DIMT1: variants seen among roughly 807,000 people sequenced by gnomAD.
The protein encoded by DIMT1 is dimethyladenosine transferase.
In DIMT1, 36 loss-of-function variants were observed where a neutral mutation model predicts 43.2. The observed-to-expected ratio is 0.83, with a 90% confidence interval of 0.64 to 1.10. The LOEUF is 1.10. Ranked by LOEUF, DIMT1 falls within the 50% of genes least tolerant of loss-of-function variation. The pLI, the probability that DIMT1 is intolerant of heterozygous loss-of-function variation, is 0.00. For synonymous variants in DIMT1, 126 were observed against 130.3 expected (o/e 0.97, Z 0.22); for missense variants, 341 against 385.3 (o/e 0.88, Z 0.96).
Position 62,403,684 on chromosome 5 carries a change from G to T in DIMT1, c.79+10C>A. 6.2e-7 allele frequency: 1 copy of T among 1,604,968 alleles called. No homozygotes were observed. Among genetic ancestry groups the T allele is most frequent in the Non-Finnish European group, 8.5e-7 (1 of 1,176,648 alleles). Reference sequence around the variant, plus strand: ...CCGACCGACCCCAGCTTCCTCGCGGGGATCCGCACCTCCAGCGCTCTTCAG... The same window carrying T: ...CCGACCGACCCCAGCTTCCTCGCGGTGATCCGCACCTCCAGCGCTCTTCAG... On this transcript the variant is annotated intron_variant, in intron 1 of 11. Transcript: ENST00000199320.
chr5:62,402,885 T>C (rs925356597), intron 2 of DIMT1, among the ~76,000 whole-genome samples: 2 of 152,244 alleles, frequency 1.3e-5, no homozygotes, highest in Admixed American at 1.3e-4. Flanking sequence ...ATACACCAAA[T>C]AATTTATATG....
chr5:62,398,162 T>C (rs562233779), intron 6 of DIMT1, among the ~76,000 whole-genome samples: 2 of 152,268 alleles, frequency 1.3e-5, no homozygotes, highest in South Asian at 4.1e-4. Context: ...CAAGTTTTTT[T>C]CATAATACAC....
intron 3 of DIMT1, among the ~76,000 whole-genome samples, chr5:62,399,254 G>A (rs1244078383): frequency 6.6e-6 from 1 of 152,192 alleles, no homozygotes; most frequent in Non-Finnish European, 1.5e-5. Flanking sequence ...ATCACCTGAG[G>A]TCAGGAGTTC....
At chr5:62,394,845 T>A (rs1426885068) in intron 6 of DIMT1, among the ~76,000 whole-genome samples, 2 of 152,122 alleles carry the variant, frequency 1.3e-5, no homozygotes, top group Non-Finnish European at 2.9e-5. Context: ...AATGACTGGA[T>A]GAGATGTTTC....
chr5:62,403,865 C>T lies in DIMT1; in HGVS notation c.-93G>A. The T allele has an allele frequency of 1.5e-6, 2 of 1,356,738 alleles. No homozygotes were observed. Among genetic ancestry groups the T allele is most frequent in the East Asian group, 2.5e-5 (1 of 40,174 alleles). 84.0% of individuals were successfully genotyped at this position (1,356,738 alleles called of 1,614,324 possible). On this transcript the variant is annotated 5_prime_UTR_variant, in exon 1 of 12. Coordinates refer to ENST00000199320, the MANE Select transcript of DIMT1 (RefSeq NM_014473.4). ...CCACCACGTGGGGATCGCCGCCACG[C>T]GCCGCCCGCACCACTCTGGCCCAAG...
At chr5:62,401,888 C>G in intron 3 of DIMT1, 148 bp downstream of exon 3, 1 of 766,472 alleles carries the variant, frequency 1.3e-6, no homozygotes, top group Non-Finnish European at 2.0e-6. Flanking sequence ...GCTGAAATAT[C>G]TCATATTTTC....
chr5:62,403,424 G>T, intron 1 of DIMT1, 78 bp from the exon 2 acceptor site: 1 of 1,384,076 alleles, frequency 7.2e-7, no homozygotes, highest in South Asian at 1.2e-5. Context: ...AAAGCTGCAT[G>T]GGTATGGGGA....
chr5:62,389,066 T>C lies in DIMT1; in HGVS notation c.900-14A>G. On this transcript the variant is annotated splice_polypyrimidine_tract_variant and intron_variant, in intron 11 of 11. Transcript: ENST00000199320. ...CCATGTAGCAATCTGAAAAAAGAAA[T>C]CAAAATGGAATGGTACTGAAAAGCT... 1 of 1,609,378 alleles carries C rather than the reference T, an allele frequency of 6.2e-7. No homozygotes were observed. The highest frequency in any genetic ancestry group is 8.5e-7 in the Non-Finnish European group (1 of 1,177,362).
rs1268163312 is a variant in DIMT1 at position 62,390,920 on chromosome 5, A to C, written c.855T>G (p.Phe285Leu). ...CCATGGAACGGGCCCGTTTGTCACT[A>C]AAACCTGTGCTGGTTAGGATTTGCT... is the stretch of plus-strand genomic sequence containing the variant. ...KIQQILTSTG[F>L]SDKRARSMDI... Residue 285 changes from phenylalanine to leucine, a missense_variant, in exon 11 of 12, where the codon TTT (phenylalanine) becomes TTG (leucine). By Grantham distance (22) the Phe-to-Leu change is conservative. Coordinates refer to ENST00000199320, the MANE Select transcript of DIMT1 (RefSeq NM_014473.4). 1.9e-6 allele frequency: 3 copies of C among 1,612,336 alleles called. No individual in the cohort carries two copies. In the Admixed American group the frequency reaches 5.0e-5, roughly 27 times the overall value.
intron 9 of DIMT1, among the ~76,000 whole-genome samples, chr5:62,392,653 T>C (rs1429528739): frequency 2.0e-5 from 3 of 152,204 alleles, no homozygotes; most frequent in African/African-American, 7.2e-5. Flanking sequence ...TCACCTCATT[T>C]TTCCAACAAA....
rs1052706660 is a variant in DIMT1 at position 62,393,925 on chromosome 5, T to C, written c.663+30A>G. On this transcript the variant is annotated intron_variant, in intron 8 of 11. Coordinates refer to ENST00000199320, the MANE Select transcript of DIMT1 (RefSeq NM_014473.4). ...CTTCCCGCCTGGACTTTTTTTTCCT[T>C]TATTGAATGAGCTAGTATTTTAACC... 3.8e-6 allele frequency: 6 copies of C among 1,579,316 alleles called. No individual in the cohort carries two copies. The African/African-American group carries it at 6.9e-5, about 18-fold the overall frequency.
intron 2 of DIMT1, 93 bp from the exon 3 acceptor site, chr5:62,402,215 A>T: frequency 8.1e-7 from 1 of 1,238,514 alleles, no homozygotes; most frequent in African/African-American, 1.5e-5. Context: ...ATGTGCTCCG[A>T]TAAGAGCTCT....
In DIMT1 at chr5:62,388,739, T is replaced by C; in HGVS notation, c.*271A>G. The C allele has an allele frequency of 4.6e-6, 2 of 435,268 alleles. No individual in the cohort carries two copies. Among genetic ancestry groups the C allele is most frequent in the Non-Finnish European group, 4.1e-6 (1 of 242,778 alleles). 27.0% of individuals were successfully genotyped at this position (435,268 alleles called of 1,614,324 possible). On this transcript the variant is annotated 3_prime_UTR_variant, in exon 12 of 12. Transcript: ENST00000199320. ...TCTTTATACAATAAACTGTTAGAAA[T>C]GATAAGTGTAAAGTTGTGCGTCTCT...
At chr5:62,395,045 A>G (rs1742433896) in intron 6 of DIMT1, among the ~76,000 whole-genome samples, 1 of 144,144 alleles carries the variant, frequency 6.9e-6, no homozygotes, top group Non-Finnish European at 1.5e-5. Flanking sequence ...TTTTTTTGAG[A>G]CGGAGTTTCG....
At chr5:62,392,334 CAAT>C (rs1362035014) in intron 9 of DIMT1, 100 bp from the exon 10 acceptor site, 3 of 862,928 alleles carry the variant, frequency 3.5e-6, no homozygotes, top group African/African-American at 1.7e-5. Context: ...GCCATTTAAG[CAAT>C]AATTTCATTT....
At position 62,390,919 on chromosome 5, in the gene DIMT1, T is replaced by C. The variant is rs1742282704; in HGVS notation, c.856A>G (p.Ser286Gly). 1.1e-5 allele frequency: 18 copies of C among 1,612,334 alleles called. No homozygotes were observed. Among genetic ancestry groups the C allele is most frequent in the Non-Finnish European group, 1.5e-5 (18 of 1,179,880 alleles). The change falls in exon 11 of 12, where the codon AGT becomes GGT. Residue 286 changes from serine to glycine, a missense_variant. Transcript: ENST00000199320. ...TCCATGGAACGGGCCCGTTTGTCAC[T>C]AAAACCTGTGCTGGTTAGGATTTGC... The part of the protein sequence containing the change: ...IQQILTSTGF[S>G]DKRARSMDID...
chr5:62,389,095 T>C (rs1203622026), intron 11 of DIMT1, 43 bp from the exon 12 acceptor site: 2 of 1,542,532 alleles, frequency 1.3e-6, no homozygotes, highest in South Asian at 2.3e-5. Context: ...AAAAGCTAAT[T>C]TGTAGCACAT....
In DIMT1 at chr5:62,403,889, A is replaced by G. The variant is rs541250630; in HGVS notation, c.-117T>C. On this transcript the variant is annotated 5_prime_UTR_variant, in exon 1 of 12. Transcript: ENST00000199320. ...GCGCCGCCCGCACCACTCTGGCCCA[A>G]GCGCCGGAGGGGCAAGGGTCCGCCC... 6.2e-6 allele frequency: 7 copies of G among 1,128,930 alleles called. No homozygotes were observed. The highest frequency in any genetic ancestry group is 1.6e-5 in the African/African-American group (1 of 63,696). The allele number at this position is 1,128,930 out of a possible 1,614,324, so 69.9% of individuals were successfully genotyped here.
rs1339933269 is a variant in DIMT1, at chr5:62,390,988, A to G, written c.793-6T>C. On this transcript the variant is annotated splice_polypyrimidine_tract_variant and splice_region_variant and intron_variant, in intron 10 of 11. Coordinates refer to ENST00000199320, the MANE Select transcript of DIMT1 (RefSeq NM_014473.4). Reference sequence around the variant, plus strand: ...CTGAAATCTTCTGGTATTATCTATCAATATAAGATTCAGAATAAATGAACG... The same window carrying G: ...CTGAAATCTTCTGGTATTATCTATCGATATAAGATTCAGAATAAATGAACG... 6.2e-7 allele frequency: 1 copy of G among 1,609,218 alleles called. No individual in the cohort carries two copies. Among genetic ancestry groups the G allele is most frequent in the East Asian group, 2.2e-5 (1 of 44,854 alleles).
Sources: gnomAD v4.1 joint callset for allele counts (sites outside exome capture counted in the v4.1 genomes callset) on GRCh38, gnomAD v4.1.1 for gene constraint, MANE v1.5 for transcripts, NCBI Gene and HGNC (gene_info 2026-07-23, HGNC 2026-07-21) for gene names.